The following CYREN variants were observed in gnomAD, a reference collection of about 807,000 sequenced individuals.
CYREN encodes the protein cell cycle regulator of NHEJ, also known as cell cycle regulator of non-homologous end joining.
CYREN carries 7 observed loss-of-function variants against 9.7 expected under a neutral mutation model. The observed-to-expected ratio is 0.72, with a 90% CI of 0.41 to 1.36. CYREN has a LOEUF of 1.36. Among genes scored for constraint, CYREN ranks in the 40% most tolerant of loss-of-function variants. The pLI, the probability that CYREN is intolerant of heterozygous loss-of-function variation, is 0.01. For synonymous variants in CYREN, 76 were observed against 77.9 expected (o/e 0.98, Z 0.13); for missense variants, 215 against 198.1 (o/e 1.09, Z -0.51).
At chr7:135,102,488 A>G (rs1446527573) in intron 2 of CYREN, among the ~76,000 whole-genome samples, 1 of 152,218 alleles carries the variant, frequency 6.6e-6, no homozygotes, top group Non-Finnish European at 1.5e-5. Flanking sequence ...GAAACAATGC[A>G]TCTCAAAATA....
intron 2 of CYREN, among the ~76,000 whole-genome samples, chr7:135,139,603 T>C (rs962148834): frequency 6.6e-6 from 1 of 152,120 alleles, no homozygotes; most frequent in Non-Finnish European, 1.5e-5. Flanking sequence ...ATTTTTGTTT[T>C]TGTTGCAATT....
At chr7:135,110,420 G>A (rs541944542) in intron 2 of CYREN, among the ~76,000 whole-genome samples, 107 of 152,296 alleles carry the variant, frequency 7.0e-4, no homozygotes, top group African/African-American at 2.4e-3. Flanking sequence ...ATATGCCTGA[G>A]TAGCTGCTCT....
At chr7:135,140,939 G>A (rs2117395562) in intron 2 of CYREN, among the ~76,000 whole-genome samples, 1 of 152,234 alleles carries the variant, frequency 6.6e-6, no homozygotes, top group South Asian at 2.1e-4. Flanking sequence ...TTTTTGATGT[G>A]CTGCCGGATT....
chr7:135,133,946 ACT>A (rs911486219), intron 2 of CYREN, among the ~76,000 whole-genome samples: 4 of 151,830 alleles, frequency 2.6e-5, no homozygotes, highest in Admixed American at 6.6e-5. Context: ...CCAGACAATT[ACT>A]CTGAGAAAAA....
chr7:135,139,407 T>C (rs1019170176), intron 2 of CYREN, among the ~76,000 whole-genome samples: 2 of 151,960 alleles, frequency 1.3e-5, no homozygotes, highest in African/African-American at 4.8e-5. Flanking sequence ...TCTATTCGTG[T>C]CCTTTGCCCT....
intron 2 of CYREN, 117 bp from the exon 3 acceptor site, chr7:135,167,924 G>T: frequency 6.6e-7 from 1 of 1,517,244 alleles, no homozygotes. Context: ...GGAGGTACCA[G>T]CACCTCTGAG....
At chr7:135,150,504 G>A (rs1223083768) in intron 2 of CYREN, among the ~76,000 whole-genome samples, 3 of 152,206 alleles carry the variant, frequency 2.0e-5, no homozygotes, top group African/African-American at 4.8e-5. Context: ...CATCCAAAAT[G>A]TGTCACTAAC....
chr7:135,167,910 C>T (rs1447561398), intron 2 of CYREN, 103 bp from the exon 3 acceptor site: 12 of 1,565,202 alleles, frequency 7.7e-6, no homozygotes, highest in East Asian at 6.8e-5. Flanking sequence ...CTTCCTACCA[C>T]GCAGGAGGTA....
intron 2 of CYREN, among the ~76,000 whole-genome samples, chr7:135,097,531 G>C (rs1823085618): frequency 6.6e-6 from 1 of 152,104 alleles, no homozygotes; most frequent in African/African-American, 2.4e-5. Flanking sequence ...ATTTTGGCAT[G>C]TTTCATTCAG....
At chr7:135,100,085 A>T (rs1278954542) in intron 2 of CYREN, 1 of 150,698 alleles carries the variant, frequency 6.6e-6, no homozygotes, top group Non-Finnish European at 1.5e-5. Flanking sequence ...ATGGGGTTTC[A>T]CCGTGTTAAC....
intron 2 of CYREN, among the ~76,000 whole-genome samples, chr7:135,098,727 G>A (rs1436538543): frequency 6.6e-6 from 1 of 152,130 alleles, no homozygotes; most frequent in Non-Finnish European, 1.5e-5. Context: ...AAAGGCTGCA[G>A]GCAGTTCAGA....
Position 135,099,565 on chromosome 7 carries a change from A to G in CYREN, n.357-4983T>C, listed in dbSNP as rs181607744. Among the ~76,000 whole-genome samples the G allele has an allele frequency of 3.9e-3, 601 of 152,280 alleles. 3 individuals are homozygous for G. The highest frequency in any genetic ancestry group is 3.6e-3 in the Non-Finnish European group (242 of 68,030). On this transcript the variant is annotated intron_variant and non_coding_transcript_variant, in intron 2 of 2. Coordinates refer to the CYREN transcript ENST00000459937. ...CGAGCCCCTTCTTGGCTTCTAAAAA[A>G]ATATTTGAGGTAGGAGAACTGTACT...
intron 2 of CYREN, among the ~76,000 whole-genome samples, chr7:135,143,962 C>CACT (rs1458853736): frequency 6.6e-6 from 1 of 152,164 alleles, no homozygotes; most frequent in Non-Finnish European, 1.5e-5. Context: ...TGGCCAAGAA[C>CACT]ACTGGGATCA....
At chr7:135,170,912 C>A (rs1830620345), upstream of CYREN, 1 of 152,226 alleles carries the variant, frequency 6.6e-6, no homozygotes, top group African/African-American at 2.4e-5. Flanking sequence ...CGGTTGGCTG[C>A]GCGCTGGGAA....
At position 135,156,979 on chromosome 7, in the gene CYREN, C is replaced by A. The variant is rs1829811217; in HGVS notation, n.356+11770G>T. ...TTTGCTTCCTCCTCATTTTCTCTTG[C>A]CACCACCATATAAGAAGTGTGTTTC... is the stretch of plus-strand genomic sequence containing the variant. On this transcript the variant is annotated intron_variant and non_coding_transcript_variant, in intron 2 of 2. Transcript: ENST00000459937. Among the ~76,000 whole-genome samples, 3 of 152,314 alleles carry A rather than the reference C, an allele frequency of 2.0e-5. No individual in the cohort carries two copies. The South Asian group carries it at 6.2e-4, about 32-fold the overall frequency.
chr7:135,107,783 C>G (rs942229131), intron 2 of CYREN, among the ~76,000 whole-genome samples: 1 of 151,970 alleles, frequency 6.6e-6, no homozygotes, highest in African/African-American at 2.4e-5. Flanking sequence ...GAATTTTCTG[C>G]CTTGGTGATC....
chr7:135,112,873 G>A (rs1825833336), intron 2 of CYREN, among the ~76,000 whole-genome samples: 1 of 152,158 alleles, frequency 6.6e-6, no homozygotes, highest in African/African-American at 2.4e-5. Context: ...CGCCTCCTGG[G>A]TTCAAGCAAT....
At chr7:135,139,738 T>G (rs1205428123) in intron 2 of CYREN, among the ~76,000 whole-genome samples, 1 of 152,140 alleles carries the variant, frequency 6.6e-6, no homozygotes, top group African/African-American at 2.4e-5. Context: ...CATCTTGAGT[T>G]GATTTTTGTA....
At chr7:135,154,197 GT>G (rs1246070773) in intron 2 of CYREN, among the ~76,000 whole-genome samples, 1 of 151,990 alleles carries the variant, frequency 6.6e-6, no homozygotes, top group Non-Finnish European at 1.5e-5. Context: ...ATTTCTGATT[GT>G]GTTTATTTGG....
Sources: gnomAD v4.1 joint callset for allele counts (sites outside exome capture counted in the v4.1 genomes callset) on GRCh38, gnomAD v4.1.1 for gene constraint, MANE v1.5 for transcripts, NCBI Gene and HGNC (gene_info 2026-07-23, HGNC 2026-07-21) for gene names.